ZFYVE9: variants seen among roughly 807,000 people sequenced by gnomAD.
The protein encoded by ZFYVE9 is zinc finger FYVE domain-containing protein 9.
ZFYVE9 carries 43 observed loss-of-function variants against 126.7 expected under a neutral mutation model. The ratio of observed to expected loss-of-function variants is 0.34; its 90% CI spans 0.27 to 0.44. The LOEUF (loss-of-function observed/expected upper bound fraction) is 0.44. Among genes scored for constraint, ZFYVE9 ranks in the 20% least tolerant of loss-of-function variants. The pLI is 1.00. For synonymous variants in ZFYVE9, 521 were observed against 597.4 expected (o/e 0.87, Z 1.87); for missense variants, 1,476 against 1,697.0 (o/e 0.87, Z 2.29).
chr1:52,150,342 A>G, intron 1 of ZFYVE9: 1 of 152,240 alleles, frequency 6.6e-6, no homozygotes, highest in Non-Finnish European at 1.5e-5. Flanking sequence ...CAAAACTCCC[A>G]TGCTGATCAG....
intron 1 of ZFYVE9, among the ~76,000 whole-genome samples, chr1:52,215,963 T>C (rs1185087241): frequency 1.3e-5 from 2 of 152,138 alleles, no homozygotes; most frequent in South Asian, 2.1e-4. Flanking sequence ...TCTACATGTA[T>C]AGAAAAAAAA....
At chr1:52,269,509 T>A (rs1013906572) in intron 7 of ZFYVE9, among the ~76,000 whole-genome samples, 1 of 152,116 alleles carries the variant, frequency 6.6e-6, no homozygotes, top group Non-Finnish European at 1.5e-5. Flanking sequence ...ATAAGTAATA[T>A]TTTTTTAGAC....
intron 12 of ZFYVE9, among the ~76,000 whole-genome samples, chr1:52,298,790 A>C (rs1243051661): frequency 1.4e-5 from 2 of 147,460 alleles, no homozygotes; most frequent in African/African-American, 2.5e-5. Flanking sequence ...ACATGGAATC[A>C]GTTTCCTTTG....
intron 1 of ZFYVE9, among the ~76,000 whole-genome samples, chr1:52,158,397 C>G (rs1461296084): frequency 6.6e-6 from 1 of 152,214 alleles, no homozygotes; most frequent in Non-Finnish European, 1.5e-5. Flanking sequence ...GAGGGAGCCC[C>G]TGTGTTGCCT....
At chr1:52,330,095 C>T (rs1470118276) in intron 13 of ZFYVE9, among the ~76,000 whole-genome samples, 4 of 151,804 alleles carry the variant, frequency 2.6e-5, no homozygotes, top group Non-Finnish European at 2.9e-5. Flanking sequence ...AAAAAATGGG[C>T]AGGCCAGGTG....
chr1:52,329,811 A>G (rs1353321853), intron 13 of ZFYVE9, among the ~76,000 whole-genome samples: 2 of 152,170 alleles, frequency 1.3e-5, no homozygotes, highest in Non-Finnish European at 2.9e-5. Flanking sequence ...AGGCTGAGGC[A>G]GGAGAATGGC....
intron 13 of ZFYVE9, among the ~76,000 whole-genome samples, chr1:52,312,249 T>G (rs145193258): frequency 6.6e-6 from 1 of 152,228 alleles, no homozygotes; most frequent in East Asian, 1.9e-4. Flanking sequence ...AAAACATCAT[T>G]TAACAAAATA....
intron 1 of ZFYVE9, among the ~76,000 whole-genome samples, chr1:52,151,116 G>C (rs992250244): frequency 6.6e-6 from 1 of 151,876 alleles, no homozygotes; most frequent in Admixed American, 6.6e-5. Context: ...CTGGCATACA[G>C]CCTTCATGAT....
intron 15 of ZFYVE9, among the ~76,000 whole-genome samples, chr1:52,335,942 T>G (rs1646384416): frequency 6.6e-6 from 1 of 152,162 alleles, no homozygotes; most frequent in Admixed American, 6.5e-5. Flanking sequence ...GAGACCAGCC[T>G]GGCCGACATG....
chr1:52,265,119 CTT>C (rs1432537388), intron 5 of ZFYVE9, among the ~76,000 whole-genome samples: 1 of 152,138 alleles, frequency 6.6e-6, no homozygotes, highest in Non-Finnish European at 1.5e-5. Flanking sequence ...ACATGGAATA[CTT>C]ACTTTTTATT....
intron 1 of ZFYVE9, among the ~76,000 whole-genome samples, chr1:52,168,274 T>G (rs1644532076): frequency 7.0e-6 from 1 of 142,912 alleles, no homozygotes; most frequent in Non-Finnish European, 1.5e-5. Context: ...TGGAGTGCAA[T>G]GGTGCGATCT....
rs1340839103 is a variant in ZFYVE9 at position 52,304,509 on chromosome 1, C to T, written c.3438+584C>T. ...AACTCTTAATCTCAGGTGATCCACC[C>T]ACCTCGGCCTCCCAAAGTGCTGGGA... On this transcript the variant is annotated intron_variant, in intron 13 of 18. Coordinates refer to ENST00000287727, the MANE Select transcript of ZFYVE9 (RefSeq NM_004799.4). 8.5e-5 allele frequency among the ~76,000 whole-genome samples: 13 copies of T among 152,216 alleles called. No individual in the cohort carries two copies. In the South Asian group the frequency reaches 2.7e-3, roughly 32 times the overall value.
chr1:52,168,374 A>G (rs1572069323), intron 1 of ZFYVE9, among the ~76,000 whole-genome samples: 1 of 151,194 alleles, frequency 6.6e-6, no homozygotes, highest in Non-Finnish European at 1.5e-5. Flanking sequence ...ACACCACCAC[A>G]CCCGGCTAGA....
intron 3 of ZFYVE9, among the ~76,000 whole-genome samples, chr1:52,236,921 CCTT>C (rs1645277952): frequency 6.6e-6 from 1 of 152,096 alleles, no homozygotes; most frequent in Non-Finnish European, 1.5e-5. Context: ...ACCTTTATCA[CCTT>C]CTCACTCCCT....
chr1:52,280,317 T>A (rs574549462), intron 9 of ZFYVE9, among the ~76,000 whole-genome samples: 1 of 150,630 alleles, frequency 6.6e-6, no homozygotes, highest in Non-Finnish European at 1.5e-5. Context: ...GAGACGGAGG[T>A]TGCAGTGAGC....
chr1:52,185,368 G>A (rs1644755654), intron 1 of ZFYVE9, among the ~76,000 whole-genome samples: 1 of 152,016 alleles, frequency 6.6e-6, no homozygotes, highest in Admixed American at 6.6e-5. Flanking sequence ...AAATTCCCAT[G>A]GAAAGACTTA....
rs930866227 is a variant in ZFYVE9, at chr1:52,142,650, G to T, written c.-143+247G>T. 6.6e-6 allele frequency among the ~76,000 whole-genome samples: 1 copy of T among 152,282 alleles called. No homozygotes were observed. ...CCTCGGTTCCGGCGCGGCCGGGTGT[G>T]TGGAGCTGGGGGCCGGCAGGAGCAC... On this transcript the variant is annotated intron_variant, in intron 1 of 18. Transcript: ENST00000287727. This position sits in a 1 kb window ranked among gnomAD's most constrained non-coding sequence, Gnocchi z 4.5.
At chr1:52,319,348 G>T (rs1307792565) in intron 13 of ZFYVE9, among the ~76,000 whole-genome samples, 3 of 152,034 alleles carry the variant, frequency 2.0e-5, no homozygotes, top group Non-Finnish European at 4.4e-5. Context: ...AAATTGGCTG[G>T]GCACAGTGGC....
intron 13 of ZFYVE9, among the ~76,000 whole-genome samples, chr1:52,307,619 G>A (rs1646096839): frequency 6.6e-6 from 1 of 152,104 alleles, no homozygotes; most frequent in Non-Finnish European, 1.5e-5. Flanking sequence ...GAACTCTGTT[G>A]CCTCCGTTTA....
Sources: gnomAD v4.1 joint callset for allele counts (sites outside exome capture counted in the v4.1 genomes callset) on GRCh38, gnomAD v4.1.1 for gene constraint, Gnocchi (gnomAD v3.1) non-coding constraint, MANE v1.5 for transcripts, NCBI Gene and HGNC (gene_info 2026-07-23, HGNC 2026-07-21) for gene names.